CADM2: variants seen among roughly 807,000 people sequenced by gnomAD.
The protein encoded by CADM2 is cell adhesion molecule 2.
A neutral mutation model predicts 49.8 loss-of-function variants in CADM2; 12 were observed. The observed-to-expected ratio is 0.24, with a 90% CI of 0.15 to 0.39. The LOEUF (loss-of-function observed/expected upper bound fraction) is 0.39. CADM2 is among the 10% of genes least tolerant of loss of function. The probability of loss-of-function intolerance (pLI) is 1.00; values close to 1 mark genes in which losing one functional copy is unlikely to be tolerated. For synonymous variants in CADM2, 214 were observed against 175.4 expected, an observed-to-expected ratio of 1.22 and a Z score of -1.74; for missense variants, 378 against 492.3, an observed-to-expected ratio of 0.77 and a Z score of 2.20.
chr3:85,709,738 G>T (rs1160722209), intron 1 of CADM2, among the ~76,000 whole-genome samples: 1 of 152,138 alleles, frequency 6.6e-6, no homozygotes, highest in Non-Finnish European at 1.5e-5. Flanking sequence ...GACTGATGGA[G>T]GCTTTTGATC....
chr3:85,603,052 T>C lies in CADM2; in HGVS notation c.62-123470T>C, dbSNP rs539474400. On this transcript the variant is annotated intron_variant, in intron 1 of 9. Coordinates refer to ENST00000383699, the MANE Select transcript of CADM2 (RefSeq NM_001167675.2). The stretch of plus-strand genomic sequence containing the variant: ...TCTTTCATATCTCTAATCATGTTAC[T>C]TTAAACACTGTGTTCATGTCCCTTT... 3.9e-5 allele frequency among the ~76,000 whole-genome samples: 6 copies of C among 152,020 alleles called. No individual in the cohort carries two copies. In the South Asian group the frequency reaches 1.0e-3, roughly 26 times the overall value.
chr3:85,993,097 G>C (rs1423269616), intron 8 of CADM2: 5 of 152,154 alleles, frequency 3.3e-5, no homozygotes, highest in East Asian at 3.9e-4. Flanking sequence ...CCAGGACTTC[G>C]AGAGGCCAAG....
intron 1 of CADM2, among the ~76,000 whole-genome samples, chr3:85,339,658 C>T (rs1303140581): frequency 6.6e-6 from 1 of 151,332 alleles, no homozygotes; most frequent in African/African-American, 2.4e-5. Context: ...TCCAAAATAC[C>T]TTTATTGACT....
At chr3:85,302,093 A>G (rs1216692106) in intron 1 of CADM2, among the ~76,000 whole-genome samples, 1 of 152,032 alleles carries the variant, frequency 6.6e-6, no homozygotes, top group Admixed American at 6.6e-5. Flanking sequence ...AAACAACTGA[A>G]TTACTTTGCT....
chr3:85,595,682 A>T (rs2063222176), intron 1 of CADM2, among the ~76,000 whole-genome samples: 1 of 152,016 alleles, frequency 6.6e-6, no homozygotes. Flanking sequence ...AAAAGATAAA[A>T]CCTGATACAG....
At chr3:85,522,805 A>G (rs1379655192) in intron 1 of CADM2, among the ~76,000 whole-genome samples, 1 of 152,058 alleles carries the variant, frequency 6.6e-6, no homozygotes, top group Non-Finnish European at 1.5e-5. Flanking sequence ...TTACAGAGTG[A>G]TAGAAAGACA....
At chr3:85,905,606 C>T (rs1716691303) in intron 5 of CADM2, among the ~76,000 whole-genome samples, 2 of 151,632 alleles carry the variant, frequency 1.3e-5, no homozygotes, top group Non-Finnish European at 2.9e-5. Context: ...GGAATTTCTG[C>T]AGACGAAAGA....
intron 1 of CADM2, among the ~76,000 whole-genome samples, chr3:85,448,332 C>CAA (rs57338759): frequency 3.6e-4 from 47 of 128,988 alleles, no homozygotes; most frequent in African/African-American, 9.9e-4. Context: ...GATTCCGTCT[C>CAA]AAAAAAAAAA....
intron 1 of CADM2, among the ~76,000 whole-genome samples, chr3:85,479,051 C>G (rs557018491): frequency 1.3e-5 from 2 of 151,892 alleles, no homozygotes; most frequent in East Asian, 3.9e-4. Flanking sequence ...TCAAGGGATC[C>G]TCCAGCCTCA....
chr3:85,532,516 C>T (rs1315696523), intron 1 of CADM2, among the ~76,000 whole-genome samples: 2 of 152,060 alleles, frequency 1.3e-5, no homozygotes, highest in Non-Finnish European at 2.9e-5. Flanking sequence ...CACTCCACTC[C>T]ACTCTAGTTA....
chr3:85,273,960 G>A lies in CADM2; in HGVS notation c.61+314292G>A, dbSNP rs145745619. ...TGAAGCATCAAAGGAGAATGAGCAG[G>A]AGCAACCAGTGAGGGAGGAAAATAA... On this transcript the variant is annotated intron_variant, in intron 1 of 9. Coordinates refer to ENST00000383699, the MANE Select transcript of CADM2 (RefSeq NM_001167675.2). 5.9e-5 allele frequency among the ~76,000 whole-genome samples: 9 copies of A among 151,492 alleles called. No individual in the cohort carries two copies. In the East Asian group the frequency reaches 1.8e-3, roughly 30 times the overall value.
At chr3:85,865,615 A>T (rs573058461) in intron 3 of CADM2, among the ~76,000 whole-genome samples, 13 of 152,358 alleles carry the variant, frequency 8.5e-5, no homozygotes, top group South Asian at 6.2e-4. Flanking sequence ...CATGTGGAAA[A>T]AAAGTTTATT....
intron 1 of CADM2, among the ~76,000 whole-genome samples, chr3:85,674,555 G>A (rs2065838660): frequency 6.6e-6 from 1 of 152,038 alleles, no homozygotes; most frequent in Non-Finnish European, 1.5e-5. Flanking sequence ...TTTTGATTTA[G>A]CTTCCTTACT....
rs6773353 is a variant in CADM2 at position 85,297,354 on chromosome 3, T to C, written c.61+337686T>C. ...GAGTGAACTCTGGCTTCATCTGGGC[T>C]GGTATGGTTATCTAAGCAGTAAATA... On this transcript the variant is annotated intron_variant, in intron 1 of 9. Transcript: ENST00000383699. Among the ~76,000 whole-genome samples, 714 of 152,196 alleles carry C rather than the reference T, an allele frequency of 4.7e-3. 7 individuals carry two copies. Among genetic ancestry groups the C allele is most frequent in the African/African-American group, 0.017 (690 of 41,560 alleles).
chr3:85,628,574 T>TAC (rs5850704), intron 1 of CADM2, among the ~76,000 whole-genome samples: 1 of 13,820 alleles, frequency 7.2e-5, no homozygotes, highest in Non-Finnish European at 1.2e-4. Flanking sequence ...TATACATATA[T>TAC]ACACACACAT....
intron 1 of CADM2, among the ~76,000 whole-genome samples, chr3:85,154,618 A>C (rs1411501487): frequency 6.6e-6 from 1 of 151,218 alleles, no homozygotes; most frequent in Non-Finnish European, 1.5e-5. Context: ...GAGAAGAGCA[A>C]CTCCAAGACA....
chr3:84,980,966 G>A (rs2036062), intron 1 of CADM2, among the ~76,000 whole-genome samples: 13,734 of 150,454 alleles, frequency 0.091, 839 homozygotes, highest in Non-Finnish European at 0.14. Context: ...TACTTGATTA[G>A]TAATATAGGA....
At chr3:85,399,395 T>G (rs2034972707) in intron 1 of CADM2, among the ~76,000 whole-genome samples, 1 of 152,218 alleles carries the variant, frequency 6.6e-6, no homozygotes, top group Non-Finnish European at 1.5e-5. Flanking sequence ...TAGTATAGTT[T>G]GAAGTCAGGT....
At chr3:85,544,633 A>G (rs904973287) in intron 1 of CADM2, among the ~76,000 whole-genome samples, 11 of 152,164 alleles carry the variant, frequency 7.2e-5, no homozygotes, top group Non-Finnish European at 1.0e-4. Context: ...TTAGAGGTCT[A>G]TGTGAGAAAG....
Sources: gnomAD v4.1 joint callset for allele counts (sites outside exome capture counted in the v4.1 genomes callset) on GRCh38, gnomAD v4.1.1 for gene constraint, MANE v1.5 for transcripts, NCBI Gene and HGNC (gene_info 2026-07-23, HGNC 2026-07-21) for gene names.